Variants in KCND3 observed in about 807,000 individuals in gnomAD.
KCND3 encodes A-type voltage-gated potassium channel KCND3.
In KCND3, 9 loss-of-function variants were observed where a neutral mutation model predicts 51.1. The ratio of observed to expected loss-of-function variants is 0.18; its 90% CI spans 0.11 to 0.31. KCND3 has a LOEUF of 0.31. Among genes scored for constraint, KCND3 ranks in the 10% least tolerant of loss-of-function variants. The probability of loss-of-function intolerance (pLI) is 1.00; values close to 1 mark genes in which losing one functional copy is unlikely to be tolerated. For synonymous variants in KCND3, 349 were observed against 368.0 expected, an observed-to-expected ratio of 0.95 and a Z score of 0.59; for missense variants, 526 against 903.8, an observed-to-expected ratio of 0.58 and a Z score of 5.36.
In KCND3 at chr1:111,874,969, A is replaced by G. The variant is rs557882698; in HGVS notation, c.1107-87863T>C. Among the ~76,000 whole-genome samples, 176 of 152,342 alleles carry G rather than the reference A, an allele frequency of 1.2e-3. 2 individuals carry two copies. The highest frequency in any genetic ancestry group is 4.2e-3 in the African/African-American group (173 of 41,578). ...AGCCTGCAATAGGGAAGGCAAACTC[A>G]CATGAATTCAATGCCCTAGGTAGTC... On this transcript the variant is annotated intron_variant, in intron 2 of 7. Transcript: ENST00000302127.
At chr1:111,835,857 C>T (rs191034671) in intron 2 of KCND3, among the ~76,000 whole-genome samples, 155 of 152,302 alleles carry the variant, frequency 1.0e-3, no homozygotes, top group Non-Finnish European at 1.8e-3. Flanking sequence ...TCTTTTATTC[C>T]TTTACTTTCT....
At chr1:111,895,163 G>C (rs1048503056) in intron 2 of KCND3, among the ~76,000 whole-genome samples, 5 of 149,554 alleles carry the variant, frequency 3.3e-5, no homozygotes, top group African/African-American at 1.2e-4. Flanking sequence ...GAAGGAAGGA[G>C]GGGGAAGGAG....
At chr1:111,917,567 C>T (rs954086285) in intron 2 of KCND3, among the ~76,000 whole-genome samples, 3 of 152,200 alleles carry the variant, frequency 2.0e-5, no homozygotes, top group African/African-American at 7.2e-5. Flanking sequence ...ACCAGACGCT[C>T]ATGCCCATGT....
chr1:111,940,050 T>G (rs1672421910), intron 2 of KCND3, among the ~76,000 whole-genome samples: 1 of 150,402 alleles, frequency 6.6e-6, no homozygotes, highest in South Asian at 2.1e-4. Flanking sequence ...TGTCTCTTTA[T>G]ATCCTTCGCC....
chr1:111,826,620 A>C (rs1471029076), intron 2 of KCND3, among the ~76,000 whole-genome samples: 2 of 152,170 alleles, frequency 1.3e-5, no homozygotes, highest in Non-Finnish European at 2.9e-5. Context: ...GAGGTCACTC[A>C]CAGGTGGTTT....
At chr1:111,797,964 G>A (rs960629926) in intron 2 of KCND3, among the ~76,000 whole-genome samples, 2 of 152,240 alleles carry the variant, frequency 1.3e-5, no homozygotes, top group East Asian at 1.9e-4. Flanking sequence ...GCAGGCTACT[G>A]CATCAGTCCA....
chr1:111,984,427 T>C (rs1675149868), intron 1 of KCND3, among the ~76,000 whole-genome samples: 1 of 152,170 alleles, frequency 6.6e-6, no homozygotes, highest in South Asian at 2.1e-4. Context: ...TGACCATTTT[T>C]CTCTAAAGAG....
chr1:111,897,104 G>A (rs1451455457), intron 2 of KCND3, among the ~76,000 whole-genome samples: 1 of 152,246 alleles, frequency 6.6e-6, no homozygotes, highest in African/African-American at 2.4e-5. Context: ...CCCACATGGG[G>A]CAAGTTGGGG....
At chr1:111,880,749 G>A (rs1669263135) in intron 2 of KCND3, among the ~76,000 whole-genome samples, 1 of 152,124 alleles carries the variant, frequency 6.6e-6, no homozygotes. Flanking sequence ...GTGTGCCTTC[G>A]CTCCTGCTAT....
At chr1:111,912,131 G>T (rs1191111221) in intron 2 of KCND3, among the ~76,000 whole-genome samples, 1 of 152,262 alleles carries the variant, frequency 6.6e-6, no homozygotes, top group Non-Finnish European at 1.5e-5. Flanking sequence ...TAAGCCAAAT[G>T]ATTTCCAGAA....
rs550299603 is a variant in KCND3, at chr1:111,829,347, T to C, written c.1107-42241A>G. Among the ~76,000 whole-genome samples the C allele has an allele frequency of 2.5e-3, 381 of 152,192 alleles. 4 individuals are homozygous for C. The highest frequency in any genetic ancestry group is 8.9e-3 in the African/African-American group (371 of 41,504). On this transcript the variant is annotated intron_variant, in intron 2 of 7. Transcript: ENST00000302127. ...GGCCTTCCAGACAGAAGAAATGGGCTGGAAGAGTGAAGCAGCAGTTTGGGG... is the reference window on the plus strand; with the variant it reads ...GGCCTTCCAGACAGAAGAAATGGGCCGGAAGAGTGAAGCAGCAGTTTGGGG...
At chr1:111,810,676 C>T (rs763551017) in intron 2 of KCND3, among the ~76,000 whole-genome samples, 9 of 152,220 alleles carry the variant, frequency 5.9e-5, no homozygotes, top group South Asian at 2.1e-4. Flanking sequence ...AGGGCGAGAA[C>T]GGAGTAACCT....
At chr1:111,832,745 C>T (rs1029943050) in intron 2 of KCND3, among the ~76,000 whole-genome samples, 1 of 152,170 alleles carries the variant, frequency 6.6e-6, no homozygotes, top group Non-Finnish European at 1.5e-5. Context: ...GATAACGAGG[C>T]TGAAGGGAGG....
intron 2 of KCND3, among the ~76,000 whole-genome samples, chr1:111,920,577 A>C (rs915035451): frequency 1.3e-5 from 2 of 152,102 alleles, no homozygotes; most frequent in African/African-American, 4.8e-5. Context: ...CCCAGGCCAA[A>C]TGTGAGCGAA....
intron 2 of KCND3, among the ~76,000 whole-genome samples, chr1:111,820,520 T>C (rs1666294911): frequency 6.6e-6 from 1 of 152,184 alleles, no homozygotes; most frequent in Non-Finnish European, 1.5e-5. Flanking sequence ...GCTATTCCAT[T>C]TTACAGTGGA....
intron 2 of KCND3, among the ~76,000 whole-genome samples, chr1:111,918,352 G>A (rs1671319863): frequency 1.3e-5 from 2 of 152,178 alleles, no homozygotes; most frequent in South Asian, 4.1e-4. Flanking sequence ...TTGAAAAATA[G>A]AGTTTACAAA....
chr1:111,984,335 G>C (rs748374996), intron 1 of KCND3, among the ~76,000 whole-genome samples: 1 of 152,168 alleles, frequency 6.6e-6, no homozygotes. Flanking sequence ...GAAGTGGACA[G>C]GTTTAAACAG....
At chr1:111,835,078 T>A (rs1273555412) in intron 2 of KCND3, among the ~76,000 whole-genome samples, 3 of 152,164 alleles carry the variant, frequency 2.0e-5, no homozygotes. Flanking sequence ...GCCAGGCAGA[T>A]CATCCTCCAA....
chr1:111,824,348 C>G (rs988347721), intron 2 of KCND3, among the ~76,000 whole-genome samples: 18 of 152,128 alleles, frequency 1.2e-4, no homozygotes, highest in Non-Finnish European at 2.4e-4. Context: ...CCCTTTATGT[C>G]CCAGATGCCC....
Sources: gnomAD v4.1 joint callset for allele counts (sites outside exome capture counted in the v4.1 genomes callset) on GRCh38, gnomAD v4.1.1 for gene constraint, MANE v1.5 for transcripts, NCBI Gene and HGNC (gene_info 2026-07-23, HGNC 2026-07-21) for gene names.